Variants in U2SURP observed in about 807,000 individuals in gnomAD.
U2SURP encodes U2 snRNP-associated SURP motif-containing protein.
In U2SURP, 9 loss-of-function variants were observed where a neutral mutation model predicts 144.9. That is an observed-to-expected ratio of 0.06 (90% confidence interval 0.04 to 0.11). The LOEUF is 0.11. U2SURP is among the 10% of genes least tolerant of loss of function. The probability of loss-of-function intolerance (pLI) is 1.00; values close to 1 mark genes in which losing one functional copy is unlikely to be tolerated. For missense variants in U2SURP, 724 were observed against 1,226.7 expected (o/e 0.59, Z 6.12); for synonymous variants, 408 against 396.8 (o/e 1.03, Z -0.33).
At chr3:143,031,522 T>C (rs754729804) in intron 16 of U2SURP, among the ~76,000 whole-genome samples, 5 of 143,050 alleles carry the variant, frequency 3.5e-5, no homozygotes, top group Non-Finnish European at 6.2e-5. Flanking sequence ...GCAAAAATGC[T>C]ATGACTCACT....
At chr3:143,004,310 A>G (rs1935703864) in intron 1 of U2SURP, among the ~76,000 whole-genome samples, 1 of 151,362 alleles carries the variant, frequency 6.6e-6, no homozygotes, top group African/African-American at 2.4e-5. Context: ...TTAATTATAA[A>G]AAGATTAAAT....
rs1424170361 is a variant in U2SURP at position 143,059,983 on chromosome 3, A to G, written c.*3533A>G. On this transcript the variant is annotated 3_prime_UTR_variant, in exon 28 of 28. Coordinates refer to ENST00000473835, the MANE Select transcript of U2SURP (RefSeq NM_001080415.2). ...CTTAGATAATATATAAATAAGTACA[A>G]ATCCCAGGGGAAGTGTTGTGATGCT... 1.6e-4 allele frequency: 25 copies of G among 152,536 alleles called. No homozygotes were observed. The highest frequency in any genetic ancestry group is 1.4e-3 in the Admixed American group (21 of 15,260). 9.4% of individuals were successfully genotyped at this position (152,536 alleles called of 1,614,324 possible).
chr3:143,028,234 T>C, intron 14 of U2SURP, 106 bp from the exon 15 acceptor site: 4 of 1,308,340 alleles, frequency 3.1e-6, no homozygotes, highest in South Asian at 1.4e-5. Flanking sequence ...GTTTTTGTTT[T>C]ATTTAGAACT....
chr3:143,043,006 T>C, intron 23 of U2SURP, 111 bp from the exon 24 acceptor site: 2 of 1,069,480 alleles, frequency 1.9e-6, no homozygotes. Flanking sequence ...CCTATTATGT[T>C]TTGGCTATGT....
intron 23 of U2SURP, among the ~76,000 whole-genome samples, chr3:143,042,807 T>C (rs977182743): frequency 6.6e-6 from 1 of 152,190 alleles, no homozygotes. Flanking sequence ...GATTATTCGT[T>C]TCATTTAACT....
In U2SURP at chr3:143,021,453, T is replaced by C. The variant is rs762411486; in HGVS notation, c.770-20T>C. 1 of 1,613,044 alleles carries C rather than the reference T, an allele frequency of 6.2e-7. No individual in the cohort carries two copies. The highest frequency in any genetic ancestry group is 8.5e-7 in the Non-Finnish European group (1 of 1,179,452). On this transcript the variant is annotated intron_variant, in intron 9 of 27. Coordinates refer to ENST00000473835, the MANE Select transcript of U2SURP (RefSeq NM_001080415.2). ...CTTTATGTTTTGCAGGTTATAATTC[T>C]TTTTTTCTTTCTGCCCTAGTTCTTG...
At chr3:143,014,567 A>G (rs1936268808) in intron 4 of U2SURP, among the ~76,000 whole-genome samples, 158 bp downstream of exon 4, 1 of 151,988 alleles carries the variant, frequency 6.6e-6, no homozygotes, top group East Asian at 1.9e-4. Context: ...TATTCCTAGG[A>G]GTTGAGCTTC....
intron 1 of U2SURP, among the ~76,000 whole-genome samples, chr3:143,008,149 G>C (rs911523582): frequency 6.6e-6 from 1 of 152,206 alleles, no homozygotes; most frequent in Non-Finnish European, 1.5e-5. Flanking sequence ...TTTGAAAGCT[G>C]ACAAAATTGT....
At chr3:143,028,146 A>G (rs1839406) in intron 14 of U2SURP, among the ~76,000 whole-genome samples, 194 bp from the exon 15 acceptor site, 102,651 of 151,964 alleles carry the variant, frequency 0.68, 34,869 homozygotes, top group African/African-American at 0.75. Flanking sequence ...GTCAGTCACT[A>G]AGGCAGTCTA....
intron 16 of U2SURP, among the ~76,000 whole-genome samples, chr3:143,029,592 C>T (rs1362547385): frequency 6.6e-6 from 1 of 152,166 alleles, no homozygotes; most frequent in Non-Finnish European, 1.5e-5. Context: ...AGACACAACA[C>T]TATTGAAATT....
chr3:143,045,684 T>A (rs974941422), intron 24 of U2SURP, among the ~76,000 whole-genome samples: 7 of 152,264 alleles, frequency 4.6e-5, no homozygotes, highest in Admixed American at 4.6e-4. Context: ...ATGTGCTCTT[T>A]TGTAATCTGG....
chr3:143,008,726 G>A (rs1263877152), intron 1 of U2SURP, among the ~76,000 whole-genome samples: 1 of 152,200 alleles, frequency 6.6e-6, no homozygotes, highest in Non-Finnish European at 1.5e-5. Flanking sequence ...TTGTTGCTTA[G>A]CAAGTTAATA....
At chr3:143,017,043 A>G in intron 6 of U2SURP, 68 bp downstream of exon 6, 1 of 1,443,852 alleles carries the variant, frequency 6.9e-7, no homozygotes, top group Non-Finnish European at 9.1e-7. Context: ...CTTCCACTGT[A>G]AGCAAGACTT....
rs966036854 is a variant in U2SURP, at chr3:143,059,647, T to G, written c.*3197T>G. ...TCTGATGACCACACAGTGTGATTTC[T>G]TTAGCAGAGAAAGTTGGTTTTAAAA... On this transcript the variant is annotated 3_prime_UTR_variant, in exon 28 of 28. Coordinates refer to ENST00000473835, the MANE Select transcript of U2SURP (RefSeq NM_001080415.2). 2 of 152,068 alleles carry G rather than the reference T, an allele frequency of 1.3e-5. No homozygotes were observed. The highest frequency in any genetic ancestry group is 1.3e-4 in the Admixed American group (2 of 15,258). 9.4% of individuals were successfully genotyped at this position (152,068 alleles called of 1,614,324 possible).
intron 24 of U2SURP, among the ~76,000 whole-genome samples, chr3:143,048,068 A>T (rs371678891): frequency 1.3e-5 from 2 of 152,286 alleles, no homozygotes; most frequent in African/African-American, 2.4e-5. Context: ...GTCTTGTTGG[A>T]AGAGAGAGAT....
At chr3:143,039,889 G>C (rs1056193666) in intron 23 of U2SURP, among the ~76,000 whole-genome samples, 8 of 151,844 alleles carry the variant, frequency 5.3e-5, no homozygotes, top group African/African-American at 1.9e-4. Context: ...GGTGTGATTA[G>C]AACAAGTCAG....
In U2SURP at chr3:143,027,185, T is replaced by G; in HGVS notation, c.1311T>G (p.Phe437Leu). Residue 437 changes from phenylalanine to leucine, a missense_variant, in exon 14 of 28, where the codon TTT (phenylalanine) becomes TTG (leucine). Physicochemically the swap from Phe to Leu is conservative, Grantham distance 22. Transcript: ENST00000473835. ...CCCTGATACATCGAATGATAGAGTT[T>G]GTTGTACGTGAAGGGCCAATGTTTG... ...LLALIHRMIE[F>L]VVREGPMFEA... 6.2e-7 allele frequency: 1 copy of G among 1,613,052 alleles called. No individual in the cohort carries two copies. Among genetic ancestry groups the G allele is most frequent in the Admixed American group, 1.7e-5 (1 of 59,946 alleles).
intron 23 of U2SURP, among the ~76,000 whole-genome samples, chr3:143,040,036 C>T (rs544387209): frequency 3.3e-5 from 5 of 151,620 alleles, no homozygotes; most frequent in Non-Finnish European, 7.4e-5. Context: ...TTTTCTGAAC[C>T]CTTTTTATGT....
Position 143,022,505 on chromosome 3 carries a change from A to G in U2SURP, c.861A>G (p.Glu287=). The change falls in exon 11 of 28, where the codon GAA becomes GAG. Residue 287 remains glutamate, a synonymous_variant. Transcript: ENST00000473835. ...TTTACCCTTTTTAATAGATGAATGA[A>G]GAAATGCTGTGCCAAGAATTTGGAA... ...YLGNINPQMN[E]EMLCQEFGRF... The G allele has an allele frequency of 6.4e-7, 1 of 1,554,250 alleles. No homozygotes were observed. The highest frequency in any genetic ancestry group is 8.7e-7 in the Non-Finnish European group (1 of 1,151,080).
Sources: allele counts gnomAD v4.1 joint callset (sites outside exome capture counted in the v4.1 genomes callset), GRCh38; gene constraint gnomAD v4.1.1; transcripts MANE v1.5; gene names NCBI Gene and HGNC (gene_info 2026-07-23, HGNC 2026-07-21).